Variants in CD8B observed in about 807,000 individuals in gnomAD.
The protein encoded by CD8B is CD8 subunit beta.
In CD8B, 6 loss-of-function variants were observed where a neutral mutation model predicts 24.2. The ratio of observed to expected loss-of-function variants is 0.25; its 90% CI spans 0.14 to 0.49. The LOEUF (loss-of-function observed/expected upper bound fraction) is 0.49, where lower values mean the gene tolerates loss of function less well. CD8B is among the 20% of genes least tolerant of loss of function. The pLI, the probability that CD8B is intolerant of heterozygous loss-of-function variation, is 0.98. For missense variants in CD8B, 196 were observed against 271.3 expected (o/e 0.72, Z 1.95); for synonymous variants, 84 against 108.3 (o/e 0.78, Z 1.39).
chr2:86,830,531 C>T (rs1674866863), intron 5 of CD8B, among the ~76,000 whole-genome samples: 1 of 151,574 alleles, frequency 6.6e-6, no homozygotes, highest in Admixed American at 6.6e-5. Context: ...CGTGCCACTG[C>T]ACTCCAGCCT....
At chr2:86,823,883 G>T (rs1674577405) in intron 5 of CD8B, among the ~76,000 whole-genome samples, 4 of 152,106 alleles carry the variant, frequency 2.6e-5, no homozygotes, top group Admixed American at 2.6e-4. Flanking sequence ...CTGCATGTTT[G>T]TAGGATGATG....
chr2:86,851,891 CA>C (rs1395846502), intron 3 of CD8B, among the ~76,000 whole-genome samples: 1 of 152,184 alleles, frequency 6.6e-6, no homozygotes, highest in Admixed American at 6.5e-5. Context: ...CATAGAGAAG[CA>C]AATGTGTTCA....
At chr2:86,855,098 G>A (rs1311839404) in intron 2 of CD8B, among the ~76,000 whole-genome samples, 1 of 151,804 alleles carries the variant, frequency 6.6e-6, no homozygotes, top group Non-Finnish European at 1.5e-5. Context: ...TCCAGCCTGG[G>A]TGACAGTGAC....
At chr2:86,820,826 A>G (rs1674435726) in intron 5 of CD8B, among the ~76,000 whole-genome samples, 1 of 152,248 alleles carries the variant, frequency 6.6e-6, no homozygotes, top group South Asian at 2.1e-4. Context: ...GATCATTAAG[A>G]TAACAATGCT....
intron 3 of CD8B, among the ~76,000 whole-genome samples, chr2:86,852,120 A>G (rs1321874397): frequency 6.6e-6 from 1 of 152,010 alleles, no homozygotes; most frequent in Non-Finnish European, 1.5e-5. Flanking sequence ...ATGTGCCACC[A>G]CGCCCAGCTA....
intron 2 of CD8B, among the ~76,000 whole-genome samples, chr2:86,853,929 C>T (rs1485566943): frequency 4.6e-5 from 7 of 151,920 alleles, no homozygotes; most frequent in Admixed American, 1.3e-4. Context: ...TTAGTAGAGA[C>T]GGGGTTTCAC....
intron 3 of CD8B, among the ~76,000 whole-genome samples, chr2:86,852,218 G>A (rs966932527): frequency 5.3e-5 from 8 of 152,240 alleles, no homozygotes; most frequent in Admixed American, 1.3e-4. Context: ...CCACCCATCT[G>A]GGCCTCCCAA....
downstream of CD8B, among the ~76,000 whole-genome samples, chr2:86,837,926 T>C (rs1453359140): frequency 6.6e-6 from 1 of 152,092 alleles, no homozygotes; most frequent in East Asian, 1.9e-4. Context: ...GTTGCTGGAG[T>C]GCAGCCCACC....
chr2:86,842,215 G>T lies in CD8B; in HGVS notation c.*92C>A. 6.7e-7 allele frequency: 1 copy of T among 1,493,096 alleles called. No individual in the cohort carries two copies. Among genetic ancestry groups the T allele is most frequent in the South Asian group, 1.4e-5 (1 of 72,216 alleles). The allele number at this position is 1,493,096 out of a possible 1,614,324, so 92.5% of individuals were successfully genotyped here. A position where few individuals can be genotyped will look rare whatever the true frequency, so the allele number is the denominator to read the frequency against. On this transcript the variant is annotated 3_prime_UTR_variant, in exon 6 of 6. Transcript: ENST00000390655. ...CTTCAGCAGCCATTGAACTCTCCAG[G>T]GTTGAATGTGTCCCTTCTCTCATTT...
chr2:86,841,666 T>C lies in CD8B; in HGVS notation c.*641A>G, dbSNP rs1675429899. The C allele has an allele frequency of 3.0e-6, 3 of 984,626 alleles. No individual in the cohort carries two copies. Among genetic ancestry groups the C allele is most frequent in the Admixed American group, 6.2e-5 (1 of 16,256 alleles). The allele number at this position is 984,626 out of a possible 1,614,324, so 61.0% of individuals were successfully genotyped here. A position where few individuals can be genotyped will look rare whatever the true frequency, so the allele number is the denominator to read the frequency against. On this transcript the variant is annotated 3_prime_UTR_variant, in exon 6 of 6. Coordinates refer to ENST00000390655, the MANE Select transcript of CD8B (RefSeq NM_004931.5). ...AGAAAATGAAAGAAGCATTAAGCCATGGGAGAGTAGAAATGGGAGCTGAGA... is the reference window on the plus strand; with the variant it reads ...AGAAAATGAAAGAAGCATTAAGCCACGGGAGAGTAGAAATGGGAGCTGAGA...
chr2:86,822,265 G>T (rs1674508637), intron 5 of CD8B: 5 of 960,736 alleles, frequency 5.2e-6, no homozygotes, highest in African/African-American at 1.7e-5. Context: ...TCTGTTTCAG[G>T]TAAGAGTCAT....
intron 2 of CD8B, among the ~76,000 whole-genome samples, chr2:86,856,725 A>AT (rs1252315748): frequency 2.0e-5 from 3 of 151,692 alleles, no homozygotes; most frequent in Non-Finnish European, 4.4e-5. Context: ...GTTACCACCC[A>AT]TAACTAAATG....
chr2:86,829,660 A>G (rs1188418458), intron 5 of CD8B, among the ~76,000 whole-genome samples: 1 of 152,180 alleles, frequency 6.6e-6, no homozygotes, highest in Non-Finnish European at 1.5e-5. Flanking sequence ...AACAGATAGC[A>G]TAAACGCTAC....
chr2:86,849,765 G>A (rs539451888), intron 3 of CD8B, among the ~76,000 whole-genome samples: 238 of 149,102 alleles, frequency 1.6e-3, no homozygotes, highest in African/African-American at 5.5e-3. Flanking sequence ...GTGCAATGGC[G>A]TGATCTCGGC....
intron 5 of CD8B, among the ~76,000 whole-genome samples, chr2:86,825,182 G>C (rs1674627644): frequency 6.6e-6 from 1 of 152,180 alleles, no homozygotes; most frequent in Non-Finnish European, 1.5e-5. Flanking sequence ...CACGCAGCTT[G>C]GGTGTCGGTG....
chr2:86,847,021 T>C (rs1675723566), intron 3 of CD8B, among the ~76,000 whole-genome samples: 2 of 141,364 alleles, frequency 1.4e-5, no homozygotes, highest in South Asian at 5.0e-4. Flanking sequence ...TACTGCAACT[T>C]CCGCCTCCTG....
intron 3 of CD8B, among the ~76,000 whole-genome samples, chr2:86,851,978 C>T (rs1398015410): frequency 2.0e-5 from 3 of 151,888 alleles, no homozygotes; most frequent in Non-Finnish European, 4.4e-5. Flanking sequence ...AAACTGGAAA[C>T]TTTTTTTTGA....
chr2:86,861,625 C>T (rs1247185065), intron 1 of CD8B, among the ~76,000 whole-genome samples, 198 bp downstream of exon 1: 1 of 152,162 alleles, frequency 6.6e-6, no homozygotes, highest in Non-Finnish European at 1.5e-5. Flanking sequence ...CTCTCCGGTC[C>T]CCCGGGGTAA....
At chr2:86,835,465 C>T (rs1191814534), downstream of CD8B, among the ~76,000 whole-genome samples, 4 of 152,104 alleles carry the variant, frequency 2.6e-5, no homozygotes, top group South Asian at 2.1e-4. Flanking sequence ...GTGCTGATCA[C>T]GTTTACTGTT....
Sources: allele counts gnomAD v4.1 joint callset (sites outside exome capture counted in the v4.1 genomes callset), GRCh38; gene constraint gnomAD v4.1.1; transcripts MANE v1.5; gene names NCBI Gene and HGNC (gene_info 2026-07-23, HGNC 2026-07-21).